The following HMGCS1 variants were observed in gnomAD, a reference collection of about 807,000 sequenced individuals.
HMGCS1 encodes the protein 3-hydroxy-3-methylglutaryl-CoA synthase 1.
Under a neutral mutation model 52.3 loss-of-function variants are expected in HMGCS1, and 9 were observed. The observed-to-expected ratio is 0.17, with a 90% CI of 0.10 to 0.30. HMGCS1 has a LOEUF of 0.30. Among genes scored for constraint, HMGCS1 ranks in the 10% least tolerant of loss-of-function variants. HMGCS1 has a pLI of 1.00. For missense variants in HMGCS1, 320 were observed against 620.9 expected (o/e 0.52, Z 5.15); for synonymous variants, 176 against 214.4 (o/e 0.82, Z 1.57).
chr5:43,311,985 C>T (rs1754895166), intron 1 of HMGCS1, among the ~76,000 whole-genome samples: 1 of 152,162 alleles, frequency 6.6e-6, no homozygotes, highest in African/African-American at 2.4e-5. Flanking sequence ...TTCTCTCTTC[C>T]CATAAGGTAT....
chr5:43,301,900 CT>C (rs1754337405), intron 2 of HMGCS1, among the ~76,000 whole-genome samples: 1 of 152,230 alleles, frequency 6.6e-6, no homozygotes, highest in African/African-American at 2.4e-5. Context: ...TGTTTTATGA[CT>C]TGACAAGCAC....
In HMGCS1 at chr5:43,297,417, C is replaced by CT. The variant is rs1183983812; in HGVS notation, c.575-252dup. 3.9e-5 allele frequency among the ~76,000 whole-genome samples: 6 copies of CT among 152,192 alleles called. No individual in the cohort carries two copies. In the East Asian group the frequency reaches 1.2e-3, roughly 29 times the overall value. On this transcript the variant is annotated intron_variant, in intron 4 of 10. Transcript: ENST00000325110. ...ATAACTCTAACAGTTCACAGTTACT[C>CT]TACTACACTGAAGACAAATTAAAAT...
intron 7 of HMGCS1, chr5:43,294,420 A>G (rs1240396961): frequency 3.8e-6 from 2 of 520,330 alleles, no homozygotes; most frequent in Non-Finnish European, 6.8e-6. Flanking sequence ...TACTTCATCA[A>G]CCAGGTATTT....
intron 1 of HMGCS1, among the ~76,000 whole-genome samples, chr5:43,309,043 C>CAAA (rs1754721724): frequency 6.6e-6 from 1 of 151,856 alleles, no homozygotes; most frequent in Admixed American, 6.6e-5. Flanking sequence ...ATGCCTTTGT[C>CAAA]TTCTGCAAAT....
At chr5:43,311,146 G>C (rs1754843048) in intron 1 of HMGCS1, among the ~76,000 whole-genome samples, 1 of 152,064 alleles carries the variant, frequency 6.6e-6, no homozygotes, top group Non-Finnish European at 1.5e-5. Context: ...CCAACATGGT[G>C]ACACCCCATC....
Position 43,291,079 on chromosome 5 carries a change from A to ACCCCCCCCCCCAGCCC in HMGCS1, c.*51_*52insGGGCTGGGGGGGGGGG. Reference sequence around the variant, plus strand: ...ATCCCATTCCTCCAACTGTTCCCATACCCCCACCCCATGCCCACCCCACCC... The same window carrying ACCCCCCCCCCCAGCCC: ...ATCCCATTCCTCCAACTGTTCCCATACCCCCCCCCCCAGCCCCCCCCACCCCATGCCCACCCCACCC... On this transcript the variant is annotated 3_prime_UTR_variant, in exon 11 of 11. Transcript: ENST00000325110. 6.4e-6 allele frequency: 5 copies of ACCCCCCCCCCCAGCCC among 780,078 alleles called. No homozygotes were observed. The highest frequency in any genetic ancestry group is 4.6e-6 in the Non-Finnish European group (2 of 430,602). 48.3% of individuals were successfully genotyped at this position (780,078 alleles called of 1,614,324 possible).
intron 1 of HMGCS1, among the ~76,000 whole-genome samples, chr5:43,311,516 A>C (rs536842794): frequency 7.2e-5 from 11 of 152,306 alleles, no homozygotes; most frequent in African/African-American, 2.4e-4. Context: ...GGAGATTCTG[A>C]TATGTAGCAA....
intron 2 of HMGCS1, among the ~76,000 whole-genome samples, chr5:43,302,987 T>C (rs1041691415): frequency 2.0e-5 from 3 of 152,236 alleles, no homozygotes; most frequent in African/African-American, 7.2e-5. Flanking sequence ...ACTTGTGTTT[T>C]CCATCTTATT....
At chr5:43,307,734 C>G (rs1051794993) in intron 2 of HMGCS1, 32 bp downstream of exon 2, 2 of 152,174 alleles carry the variant, frequency 1.3e-5, no homozygotes, top group Admixed American at 6.5e-5. Context: ...GAGAGGAATA[C>G]TTTCCTTAAG....
chr5:43,299,569 G>A (rs2111679762), intron 2 of HMGCS1, among the ~76,000 whole-genome samples: 1 of 151,936 alleles, frequency 6.6e-6, no homozygotes, highest in South Asian at 2.1e-4. Flanking sequence ...AGAATGGCGT[G>A]AACCCGGGAG....
In HMGCS1 at chr5:43,298,113, G is replaced by C; in HGVS notation, c.470C>G (p.Ala157Gly). 6.2e-7 allele frequency: 1 copy of C among 1,612,522 alleles called. No individual in the cohort carries two copies. ...TGTGGCATATACAGCAATATCTCCT[G>C]CAACTACCAGGGCATACCGTCCTGA... is the stretch of plus-strand genomic sequence containing the variant. ...SWDGRYALVV[A>G]GDIAVYATGN... Residue 157 changes from alanine to glycine, a missense_variant, in exon 4 of 11, where the codon GCA becomes GGA. Physicochemically the swap from Ala to Gly is moderately conservative, Grantham distance 60. Around this residue, in one of 3 missense-constraint regions of HMGCS1, gnomAD observed 85 missense variants for 260.0 expected, o/e 0.33. Coordinates refer to ENST00000325110, the MANE Select transcript of HMGCS1 (RefSeq NM_001098272.3). This position sits in a 1 kb window ranked among gnomAD's most constrained non-coding sequence, Gnocchi z 5.6.
intron 4 of HMGCS1, 110 bp downstream of exon 4, chr5:43,297,899 G>T: frequency 3.8e-6 from 3 of 796,302 alleles, no homozygotes; most frequent in Middle Eastern, 2.5e-4. Context: ...CTCTTAGCAA[G>T]TAGTACCTGC....
intron 2 of HMGCS1, among the ~76,000 whole-genome samples, chr5:43,302,852 A>G (rs949413086): frequency 2.0e-5 from 3 of 152,328 alleles, no homozygotes; most frequent in Admixed American, 1.3e-4. Flanking sequence ...TACATCACCA[A>G]TTCTCTTGGC....
In HMGCS1 at chr5:43,295,798, G is replaced by A; in HGVS notation, c.859C>T (p.Gln287Ter). Residue 287 changes from glutamine (Q) to a stop codon, truncating the protein, a stop_gained, in exon 6 of 11, where the codon CAG (glutamine) becomes TAG (stop). Transcript: ENST00000325110. LOFTEE classifies it high-confidence loss of function. ...RMLLNDFLND[Q>*]NRDKNSIYSG... ...TAGATACTATTTTTATCTCTATTCT[G>A]GTCATTAAGGAAGTCATTCAGCAAC... 2 of 1,613,096 alleles carry A rather than the reference G, an allele frequency of 1.2e-6. No homozygotes were observed. Among genetic ancestry groups the A allele is most frequent in the Non-Finnish European group, 1.7e-6 (2 of 1,179,306 alleles).
In HMGCS1 at chr5:43,293,093, G is replaced by T. The variant is rs139405762; in HGVS notation, c.1184-120C>A. ...CTTTTCATTTTCATTAAAACTACTG[G>T]CTACTGATTAGTTAAAAGATAAGAT... On this transcript the variant is annotated intron_variant, in intron 8 of 10. Coordinates refer to ENST00000325110, the MANE Select transcript of HMGCS1 (RefSeq NM_001098272.3). The T allele has an allele frequency of 8.8e-4, 647 of 735,640 alleles. 6 individuals carry two copies. The African/African-American group carries it at 0.011, about 12-fold the overall frequency. 45.6% of individuals were successfully genotyped at this position (735,640 alleles called of 1,614,324 possible).
Position 43,297,077 on chromosome 5 carries a change from T to C in HMGCS1, c.664A>G (p.Ile222Val), listed in dbSNP as rs1413977187. Residue 222 changes from isoleucine to valine, a missense_variant, in exon 5 of 11, where the codon ATA becomes GTA. Ile to Val is a conservative substitution (Grantham distance 29). Transcript: ENST00000325110. ...EYPIVDGKLS[I>V]QCYLSALDRC... is the part of the protein sequence containing the mutation. The stretch of plus-strand genomic sequence containing the variant: ...TCTAATGCACTGAGGTAGCACTGTA[T>C]GGAGAGTTTTCCATCTACTATAGGA... 6.2e-7 allele frequency: 1 copy of C among 1,613,606 alleles called. No homozygotes were observed. The highest frequency in any genetic ancestry group is 1.7e-5 in the Admixed American group (1 of 60,018).
At chr5:43,311,733 A>C (rs1322583214) in intron 1 of HMGCS1, among the ~76,000 whole-genome samples, 1 of 152,242 alleles carries the variant, frequency 6.6e-6, no homozygotes, top group Non-Finnish European at 1.5e-5. Flanking sequence ...ATGTAAAAGC[A>C]ATCTGGAGGG....
intron 6 of HMGCS1, 33 bp downstream of exon 6, chr5:43,295,719 T>A (rs369894627): frequency 2.1e-5 from 32 of 1,535,188 alleles, no homozygotes; most frequent in Admixed American, 3.6e-5. Context: ...TGCTCTAATA[T>A]AGAAGGAAAA....
chr5:43,302,047 T>C (rs1043645124), intron 2 of HMGCS1, among the ~76,000 whole-genome samples: 2 of 152,222 alleles, frequency 1.3e-5, no homozygotes, highest in African/African-American at 2.4e-5. Context: ...GAACCACCAC[T>C]GAGGAAGTGA....
Sources: allele counts gnomAD v4.1 joint callset (sites outside exome capture counted in the v4.1 genomes callset), GRCh38; gene constraint gnomAD v4.1.1; regional missense constraint gnomAD v4.1.1; non-coding constraint Gnocchi (gnomAD v3.1); transcripts MANE v1.5; gene names NCBI Gene and HGNC (gene_info 2026-07-23, HGNC 2026-07-21).